METTL15: variants seen among roughly 807,000 people sequenced by gnomAD.
METTL15 encodes the protein 12S rRNA N(4)-cytidine methyltransferase METTL15.
A neutral mutation model predicts 38.3 loss-of-function variants in METTL15; 34 were observed. That is an observed-to-expected ratio of 0.89 (90% CI 0.68 to 1.18). The LOEUF (loss-of-function observed/expected upper bound fraction) is 1.18, where lower values mean the gene tolerates loss of function less well. METTL15 is among the 50% of genes most tolerant of loss of function. The pLI, the probability that METTL15 is intolerant of heterozygous loss-of-function variation, is 0.00. For missense variants in METTL15, 438 were observed against 498.4 expected (o/e 0.88, Z 1.15); for synonymous variants, 162 against 170.9 (o/e 0.95, Z 0.41).
intron 3 of METTL15, among the ~76,000 whole-genome samples, chr11:28,351,832 C>T (rs999021224): frequency 1.3e-5 from 2 of 152,136 alleles, no homozygotes; most frequent in African/African-American, 4.8e-5. Flanking sequence ...GCTAGGAAGG[C>T]GTTAAAGCCA....
At chr11:28,262,107 A>G (rs573684763) in intron 4 of METTL15, among the ~76,000 whole-genome samples, 14 of 152,290 alleles carry the variant, frequency 9.2e-5, no homozygotes, top group Non-Finnish European at 1.6e-4. Context: ...AGCAGATTTA[A>G]TACAAATCAC....
intron 4 of METTL15, among the ~76,000 whole-genome samples, chr11:28,235,675 G>A (rs559923664): frequency 6.2e-4 from 95 of 152,144 alleles, no homozygotes; most frequent in African/African-American, 2.2e-3. Flanking sequence ...AGACTTTGCT[G>A]AAGTTGCTTA....
At chr11:28,406,054 G>A (rs1343977718) in intron 5 of METTL15, among the ~76,000 whole-genome samples, 4 of 152,146 alleles carry the variant, frequency 2.6e-5, no homozygotes, top group South Asian at 2.1e-4. Context: ...TGCCTCCAGC[G>A]TTGTCTTTTT....
At chr11:28,456,679 A>T (rs1017164038) in intron 6 of METTL15, among the ~76,000 whole-genome samples, 1 of 151,938 alleles carries the variant, frequency 6.6e-6, no homozygotes. Flanking sequence ...TGACCTCATG[A>T]TCCACCTGCC....
At chr11:28,296,553 C>A (rs1034571121) in intron 5 of METTL15, among the ~76,000 whole-genome samples, 200 bp from the exon 6 acceptor site, 8 of 152,064 alleles carry the variant, frequency 5.3e-5, no homozygotes, top group African/African-American at 1.9e-4. Context: ...ATGTTATAAA[C>A]CATCACCACT....
At chr11:28,482,992 T>A (rs1240299537) in intron 6 of METTL15, among the ~76,000 whole-genome samples, 2 of 152,100 alleles carry the variant, frequency 1.3e-5, no homozygotes, top group Non-Finnish European at 2.9e-5. Context: ...TCTCTCCTCT[T>A]CTTCCCTTTT....
chr11:28,319,861 T>C (rs1298955577), intron 6 of METTL15, among the ~76,000 whole-genome samples: 1 of 152,150 alleles, frequency 6.6e-6, no homozygotes, highest in African/African-American at 2.4e-5. Flanking sequence ...ATGTTGCATT[T>C]CCCAGACTTA....
intron 4 of METTL15, among the ~76,000 whole-genome samples, chr11:28,237,895 G>A (rs547641609): frequency 1.4e-4 from 22 of 152,314 alleles, no homozygotes; most frequent in Middle Eastern, 3.4e-3. Context: ...CTGGGTATCA[G>A]CAGCGGTGGC....
intron 5 of METTL15, among the ~76,000 whole-genome samples, chr11:28,392,650 A>C (rs568696745): frequency 1.3e-5 from 2 of 152,166 alleles, no homozygotes; most frequent in South Asian, 4.1e-4. Context: ...GCAAAAGCAG[A>C]CAAATGGTAC....
intron 3 of METTL15, among the ~76,000 whole-genome samples, chr11:28,153,287 A>G (rs1850155820): frequency 6.6e-6 from 1 of 152,088 alleles, no homozygotes; most frequent in South Asian, 2.1e-4. Flanking sequence ...AACTACGCAC[A>G]TCCTCCCTTT....
At chr11:28,213,210 A>T (rs1218429420) in intron 4 of METTL15, among the ~76,000 whole-genome samples, 1 of 152,220 alleles carries the variant, frequency 6.6e-6, no homozygotes, top group Non-Finnish European at 1.5e-5. Flanking sequence ...GATAAGAACA[A>T]GGAAACAAAT....
At chr11:28,477,263 G>A (rs760998782) in intron 6 of METTL15, among the ~76,000 whole-genome samples, 19 of 152,154 alleles carry the variant, frequency 1.2e-4, no homozygotes, top group Non-Finnish European at 2.6e-4. Flanking sequence ...TGCAATCTCC[G>A]CCTCCTGTGT....
chr11:28,339,055 C>A (rs146761594), intron 3 of METTL15, among the ~76,000 whole-genome samples: 1 of 152,192 alleles, frequency 6.6e-6, no homozygotes, highest in Non-Finnish European at 1.5e-5. Context: ...TGAAACCAAA[C>A]TGGACCTTGA....
chr11:28,358,116 C>A (rs954190894), intron 4 of METTL15, among the ~76,000 whole-genome samples: 1 of 152,064 alleles, frequency 6.6e-6, no homozygotes, highest in African/African-American at 2.4e-5. Flanking sequence ...GTCTACTGTT[C>A]TTAGCTTGAA....
intron 3 of METTL15, chr11:28,126,010 A>G (rs1445452213): frequency 6.6e-6 from 1 of 152,018 alleles, no homozygotes; most frequent in African/African-American, 2.4e-5. Context: ...CTTATATCTT[A>G]GTATGCTCAC....
intron 6 of METTL15, among the ~76,000 whole-genome samples, chr11:28,325,325 G>C (rs948131779): frequency 6.6e-6 from 1 of 152,204 alleles, no homozygotes; most frequent in Non-Finnish European, 1.5e-5. Flanking sequence ...GCACAGCCAT[G>C]TTCCTTAAAC....
intron 6 of METTL15, among the ~76,000 whole-genome samples, chr11:28,324,808 C>G (rs1197495043): frequency 6.6e-6 from 1 of 152,152 alleles, no homozygotes; most frequent in Non-Finnish European, 1.5e-5. Flanking sequence ...ATGCCGAGGT[C>G]TGAAGGGAGT....
intron 6 of METTL15, among the ~76,000 whole-genome samples, chr11:28,438,672 CTTTTTTTTTTTT>C (rs1171439330): frequency 7.8e-6 from 1 of 128,194 alleles, no homozygotes; most frequent in African/African-American, 2.9e-5. Flanking sequence ...TTTCTTTTTT[CTTTTTTTTTTTT>C]TTTTTTTGGA....
intron 3 of METTL15, among the ~76,000 whole-genome samples, chr11:28,339,531 T>G (rs1462194855): frequency 7.4e-6 from 1 of 135,212 alleles, no homozygotes; most frequent in African/African-American, 2.7e-5. Flanking sequence ...ATAAAGAGAA[T>G]GCAAAAAAAA....
Sources: allele counts gnomAD v4.1 joint callset (sites outside exome capture counted in the v4.1 genomes callset), GRCh38; gene constraint gnomAD v4.1.1; transcripts MANE v1.5; gene names NCBI Gene and HGNC (gene_info 2026-07-23, HGNC 2026-07-21).